The following CTNNA3 variants were observed in gnomAD, a reference collection of about 807,000 sequenced individuals.
CTNNA3 encodes the protein catenin alpha 3.
In CTNNA3, 76 loss-of-function variants were observed where a neutral mutation model predicts 95.7. That is an observed-to-expected ratio of 0.79 (90% CI 0.66 to 0.96). The LOEUF (loss-of-function observed/expected upper bound fraction) is 0.96, where lower values mean the gene tolerates loss of function less well. CTNNA3 is among the 40% of genes least tolerant of loss of function. The pLI is 0.00. For synonymous variants in CTNNA3, 431 were observed against 374.4 expected (o/e 1.15, Z -1.74); for missense variants, 1,191 against 1,089.8 (o/e 1.09, Z -1.31).
At chr10:66,240,616 G>C (rs2090062168) in intron 13 of CTNNA3, among the ~76,000 whole-genome samples, 1 of 151,960 alleles carries the variant, frequency 6.6e-6, no homozygotes, top group South Asian at 2.1e-4. Flanking sequence ...TTTAAAAATA[G>C]AGATTGGGAG....
intron 11 of CTNNA3, among the ~76,000 whole-genome samples, chr10:66,467,439 A>G (rs1838962953): frequency 6.6e-6 from 1 of 152,052 alleles, no homozygotes. Context: ...GCTACAAACC[A>G]TATCTCTTAC....
intron 7 of CTNNA3, among the ~76,000 whole-genome samples, chr10:66,814,745 C>G (rs1447675274): frequency 6.6e-6 from 1 of 151,834 alleles, no homozygotes; most frequent in Non-Finnish European, 1.5e-5. Flanking sequence ...GCCTAGCTGA[C>G]AGAGAGACTC....
chr10:66,689,112 GAATCAAT>G (rs1847417312), intron 9 of CTNNA3, among the ~76,000 whole-genome samples: 2 of 151,812 alleles, frequency 1.3e-5, no homozygotes, highest in African/African-American at 4.8e-5. Context: ...ATGAATCAAT[GAATCAAT>G]GAATCAATGA....
intron 9 of CTNNA3, among the ~76,000 whole-genome samples, chr10:66,689,476 A>G (rs1847433829): frequency 6.6e-6 from 1 of 152,204 alleles, no homozygotes; most frequent in South Asian, 2.1e-4. Flanking sequence ...GCTTAAACAA[A>G]CTTTTGGAAC....
At chr10:66,297,287 A>T (rs1303463724) in intron 12 of CTNNA3, among the ~76,000 whole-genome samples, 1 of 151,862 alleles carries the variant, frequency 6.6e-6, no homozygotes, top group Non-Finnish European at 1.5e-5. Flanking sequence ...CCACATAACC[A>T]CCCCCTGGTT....
At chr10:66,180,200 T>G (rs1321789812) in intron 13 of CTNNA3, among the ~76,000 whole-genome samples, 2 of 152,154 alleles carry the variant, frequency 1.3e-5, no homozygotes, top group Non-Finnish European at 2.9e-5. Context: ...AAGATCACTG[T>G]TAGTTCTTTA....
chr10:67,630,125 T>C (rs1049599334), intron 2 of CTNNA3, among the ~76,000 whole-genome samples: 1 of 152,046 alleles, frequency 6.6e-6, no homozygotes, highest in Non-Finnish European at 1.5e-5. Flanking sequence ...GTAACAAGGG[T>C]GCCAAAGTGT....
chr10:66,737,734 A>G (rs1465187773), intron 9 of CTNNA3, among the ~76,000 whole-genome samples: 1 of 151,422 alleles, frequency 6.6e-6, no homozygotes, highest in East Asian at 1.9e-4. Flanking sequence ...ATCATGGCTC[A>G]CCGCAACCTC....
intron 11 of CTNNA3, among the ~76,000 whole-genome samples, chr10:66,485,368 T>G (rs1437511374): frequency 6.6e-6 from 1 of 152,096 alleles, no homozygotes; most frequent in East Asian, 1.9e-4. Context: ...AACAACCTGT[T>G]AGAAATAAAA....
chr10:66,260,884 G>C (rs930460487), intron 13 of CTNNA3, among the ~76,000 whole-genome samples: 1 of 151,978 alleles, frequency 6.6e-6, no homozygotes. Flanking sequence ...TCACCTTCCT[G>C]ATTAATATAG....
At chr10:67,119,412 A>T (rs58734767) in intron 7 of CTNNA3, among the ~76,000 whole-genome samples, 10,229 of 151,946 alleles carry the variant, frequency 0.067, 412 homozygotes, top group South Asian at 0.18. Flanking sequence ...AAAAAAACAT[A>T]CACACAAAAA....
intron 15 of CTNNA3, among the ~76,000 whole-genome samples, chr10:66,046,697 AT>A (rs2079835870): frequency 6.6e-6 from 1 of 152,132 alleles, no homozygotes; most frequent in African/African-American, 2.4e-5. Context: ...TTTGAAAAAA[AT>A]AATAAGATAG....
chr10:67,189,126 CA>C (rs955911487), intron 6 of CTNNA3, among the ~76,000 whole-genome samples: 21 of 130,728 alleles, frequency 1.6e-4, no homozygotes, highest in African/African-American at 6.8e-4. Context: ...AACAAACAAA[CA>C]AACAACAACA....
intron 7 of CTNNA3, among the ~76,000 whole-genome samples, chr10:67,063,404 G>GAC (rs1855879056): frequency 2.6e-5 from 4 of 152,134 alleles, no homozygotes; most frequent in African/African-American, 9.7e-5. Flanking sequence ...AAAGTTAGGG[G>GAC]TCTCAATCAG....
intron 5 of CTNNA3, among the ~76,000 whole-genome samples, chr10:67,462,120 T>C (rs928751894): frequency 2.6e-5 from 4 of 152,210 alleles, no homozygotes; most frequent in African/African-American, 9.6e-5. Context: ...AGTTTCATGA[T>C]ATCCCTTCTG....
At chr10:65,961,711 C>G (rs1196520063) in intron 17 of CTNNA3, among the ~76,000 whole-genome samples, 3 of 151,634 alleles carry the variant, frequency 2.0e-5, no homozygotes, top group Admixed American at 1.3e-4. Context: ...TGTAGCATAC[C>G]TTGCAGTGAA....
At chr10:66,932,435 G>T (rs1253085792) in intron 7 of CTNNA3, among the ~76,000 whole-genome samples, 1 of 152,140 alleles carries the variant, frequency 6.6e-6, no homozygotes, top group Non-Finnish European at 1.5e-5. Context: ...CGAGCCATGA[G>T]AAATAAAAAA....
chr10:66,960,281 C>A (rs532949366), intron 7 of CTNNA3, among the ~76,000 whole-genome samples: 2 of 152,222 alleles, frequency 1.3e-5, no homozygotes, highest in South Asian at 4.1e-4. Context: ...TCACAAATCT[C>A]CTACAAAAAT....
rs143733495 is a variant in CTNNA3, at chr10:67,173,519, A to G, written c.1047+6798T>C. Among the ~76,000 whole-genome samples, 778 of 152,264 alleles carry G rather than the reference A, an allele frequency of 5.1e-3. 6 individuals carry two copies. Among genetic ancestry groups the G allele is most frequent in the African/African-American group, 0.018 (728 of 41,532 alleles). On this transcript the variant is annotated intron_variant, in intron 7 of 17. Coordinates refer to ENST00000433211, the MANE Select transcript of CTNNA3 (RefSeq NM_013266.4). ...TCCTTATATGTTTATTTTCTGAAAG[A>G]CTGTCCCAACAAAACTTTTTTGTAC...
Sources: allele counts gnomAD v4.1 joint callset (sites outside exome capture counted in the v4.1 genomes callset), GRCh38; gene constraint gnomAD v4.1.1; transcripts MANE v1.5; gene names NCBI Gene and HGNC (gene_info 2026-07-23, HGNC 2026-07-21).